Variants in NINL observed in about 807,000 individuals in gnomAD.
NINL encodes ninein-like protein.
NINL carries 153 observed loss-of-function variants against 160.3 expected under a neutral mutation model. The ratio of observed to expected loss-of-function variants is 0.95; its 90% confidence interval spans 0.84 to 1.09. The LOEUF is 1.09. Ranked by LOEUF, NINL falls within the 50% of genes least tolerant of loss-of-function variation. The pLI is 0.00. For synonymous variants in NINL, 800 were observed against 734.8 expected, an observed-to-expected ratio of 1.09 and a Z score of -1.43; for missense variants, 1,829 against 1,764.0, an observed-to-expected ratio of 1.04 and a Z score of -0.66.
At chr20:25,565,257 T>C in intron 1 of NINL, among the ~76,000 whole-genome samples, 1 of 150,508 alleles carries the variant, frequency 6.6e-6, no homozygotes, top group East Asian at 2.0e-4. Flanking sequence ...AGGCCTTCCA[T>C]CCAGGAAAAC....
intron 4 of NINL, 45 bp downstream of exon 4, chr20:25,512,789 A>G: frequency 6.5e-7 from 1 of 1,547,370 alleles, no homozygotes; most frequent in Non-Finnish European, 8.7e-7. Flanking sequence ...AGCATTTGTT[A>G]TTCCCAACAC....
At chr20:25,461,726 G>A in intron 20 of NINL, 91 bp from the exon 21 acceptor site, 3 of 890,462 alleles carry the variant, frequency 3.4e-6, no homozygotes, top group Admixed American at 2.4e-5. Flanking sequence ...TTACAGAAAA[G>A]AAAAAAAGTA....
At chr20:25,486,636 G>C (rs975133259) in intron 13 of NINL, among the ~76,000 whole-genome samples, 22 of 152,176 alleles carry the variant, frequency 1.4e-4, no homozygotes, top group Admixed American at 1.1e-3. Context: ...ATTTCAAAAG[G>C]AGAATGAGAC....
intron 1 of NINL, among the ~76,000 whole-genome samples, chr20:25,545,982 G>GT (rs1342699714): frequency 2.8e-4 from 21 of 75,108 alleles, no homozygotes; most frequent in African/African-American, 5.6e-4. Flanking sequence ...TTGTTGTTTT[G>GT]TTTTTATTTT....
chr20:25,579,996 T>C (rs999397078), intron 1 of NINL, among the ~76,000 whole-genome samples: 5 of 151,546 alleles, frequency 3.3e-5, no homozygotes, highest in South Asian at 2.1e-4. Context: ...CAAACCAAAA[T>C]TGTTACTTTA....
rs1296506304 is a variant in NINL, at chr20:25,471,108, C to T, written c.3249-1013G>A. Among the ~76,000 whole-genome samples the T allele has an allele frequency of 2.0e-5, 3 of 152,160 alleles. No homozygotes were observed. In the East Asian group the frequency reaches 5.8e-4, roughly 29 times the overall value. On this transcript the variant is annotated intron_variant, in intron 17 of 23. Transcript: ENST00000278886. The stretch of plus-strand genomic sequence containing the variant: ...GATCATGGCTCACTGCAGCCTTGAA[C>T]TCCCAGGCCCAGGAGCTGGGACTAC...
chr20:25,472,197 T>A (rs1199913466), intron 17 of NINL, among the ~76,000 whole-genome samples: 1 of 151,512 alleles, frequency 6.6e-6, no homozygotes, highest in African/African-American at 2.4e-5. Context: ...CTGGAACACA[T>A]AGGTATGTAA....
intron 17 of NINL, among the ~76,000 whole-genome samples, chr20:25,470,506 A>ATT (rs1159927083): frequency 5.3e-5 from 8 of 152,218 alleles, no homozygotes; most frequent in African/African-American, 1.9e-4. Flanking sequence ...GGAGCTAAGA[A>ATT]ACACAGGAAT....
chr20:25,495,799 T>A (rs1247893811), intron 10 of NINL, among the ~76,000 whole-genome samples: 2 of 152,200 alleles, frequency 1.3e-5, no homozygotes, highest in African/African-American at 4.8e-5. Flanking sequence ...CGGAATTTCC[T>A]CAGATGTTCT....
chr20:25,457,268 A>C (rs980390009), intron 22 of NINL, among the ~76,000 whole-genome samples: 1 of 152,096 alleles, frequency 6.6e-6, no homozygotes, highest in African/African-American at 2.4e-5. Flanking sequence ...AGGTTGCAGT[A>C]AGCCAAGATT....
chr20:25,517,333 C>T (rs150208599), intron 3 of NINL, among the ~76,000 whole-genome samples: 26 of 152,334 alleles, frequency 1.7e-4, no homozygotes, highest in Admixed American at 3.9e-4. Context: ...ACCACTACCT[C>T]ACCACTCCAG....
rs2090751680 is a variant in NINL, at chr20:25,458,487, G to GCTGGGC, written c.3733_3738dup (p.Ala1245_Gln1246dup). On this transcript the variant is annotated inframe_insertion, in exon 22 of 24. Coordinates refer to ENST00000278886, the MANE Select transcript of NINL (RefSeq NM_025176.6). Reference sequence around the variant, plus strand: ...GGCACCAGCCGGACCTCCTGCAAGTGCTGGGCCTGGGCCTGCCTCAGCCTC... The same window carrying GCTGGGC: ...GGCACCAGCCGGACCTCCTGCAAGTGCTGGGCCTGGGCCTGGGCCTGCCTCAGCCTC... 1 of 1,602,030 alleles carries GCTGGGC rather than the reference G, an allele frequency of 6.2e-7. No individual in the cohort carries two copies. The highest frequency in any genetic ancestry group is 8.5e-7 in the Non-Finnish European group (1 of 1,179,712).
At chr20:25,463,027 C>A (rs568273235) in intron 19 of NINL, among the ~76,000 whole-genome samples, 1 of 152,280 alleles carries the variant, frequency 6.6e-6, no homozygotes, top group African/African-American at 2.4e-5. Context: ...CAACCAGGTA[C>A]AACTTTGCTC....
chr20:25,568,499 C>T (rs1211796741), intron 1 of NINL, among the ~76,000 whole-genome samples: 2 of 151,948 alleles, frequency 1.3e-5, no homozygotes, highest in African/African-American at 2.4e-5. Context: ...GCCTCAACCT[C>T]CTCCGCTCAA....
chr20:25,457,578 T>C (rs1032917422), intron 22 of NINL, among the ~76,000 whole-genome samples: 3 of 134,364 alleles, frequency 2.2e-5, no homozygotes, highest in Non-Finnish European at 5.0e-5. Context: ...TGTTACAAGG[T>C]TGTTCTTCAT....
intron 1 of NINL, among the ~76,000 whole-genome samples, chr20:25,573,419 C>G (rs756761518): frequency 2.6e-5 from 4 of 152,178 alleles, no homozygotes; most frequent in Non-Finnish European, 5.9e-5. Context: ...AAATTCCAGC[C>G]ATGCGATTAG....
chr20:25,541,460 T>C (rs984016909), intron 1 of NINL, among the ~76,000 whole-genome samples: 2 of 152,244 alleles, frequency 1.3e-5, no homozygotes, highest in African/African-American at 4.8e-5. Flanking sequence ...AGATAAATAA[T>C]CATATACAGC....
At chr20:25,547,725 T>C (rs2064752929) in intron 1 of NINL, among the ~76,000 whole-genome samples, 1 of 152,208 alleles carries the variant, frequency 6.6e-6, no homozygotes, top group Non-Finnish European at 1.5e-5. Flanking sequence ...TGTCTCCAAA[T>C]ACAATCACAT....
chr20:25,518,749 T>TCCCC (rs1317206914), intron 2 of NINL, among the ~76,000 whole-genome samples: 2 of 149,792 alleles, frequency 1.3e-5, no homozygotes, highest in South Asian at 4.3e-4. Flanking sequence ...TTCTCTCCCC[T>TCCCC]CCCCCACCCT....
Sources: allele counts gnomAD v4.1 joint callset (sites outside exome capture counted in the v4.1 genomes callset), GRCh38; gene constraint gnomAD v4.1.1; transcripts MANE v1.5; gene names NCBI Gene and HGNC (gene_info 2026-07-23, HGNC 2026-07-21).